The following UGT1A9 variants were observed in gnomAD, a reference collection of about 807,000 sequenced individuals.
UGT1A9 encodes the protein UDP-glucuronosyltransferase 1A9.
A neutral mutation model predicts 45.0 loss-of-function variants in UGT1A9; 35 were observed. The observed-to-expected ratio is 0.78, with a 90% CI of 0.59 to 1.03. The LOEUF (loss-of-function observed/expected upper bound fraction) is 1.03, where lower values mean the gene tolerates loss of function less well. Ranked by LOEUF, UGT1A9 falls within the 50% of genes least tolerant of loss-of-function variation. The pLI is 0.00. For missense variants in UGT1A9, 687 were observed against 666.6 expected (o/e 1.03, Z -0.34); for synonymous variants, 278 against 250.6 (o/e 1.11, Z -1.03).
In UGT1A9 at chr2:233,719,438, A is replaced by C. The variant is rs755711754; in HGVS notation, c.855+46649A>C. 1.9e-6 allele frequency: 3 copies of C among 1,613,802 alleles called. No homozygotes were observed. In the African/African-American group the frequency reaches 4.0e-5, roughly 22 times the overall value. ...TAACGACCAATTCAGACCACATGAC[A>C]TTCCTGCAAAGGGTCAAGAACATGC... On this transcript the variant is annotated intron_variant, in intron 1 of 4. Transcript: ENST00000354728.
rs540500479 is a variant in UGT1A9 at position 233,771,122 on chromosome 2, G to A, written c.1296-1140G>A. On this transcript the variant is annotated intron_variant, in intron 4 of 4. Coordinates refer to ENST00000354728, the MANE Select transcript of UGT1A9 (RefSeq NM_021027.3). ...GACAGCACTAAAGCACAAGGGATCCGACCCCATGATCCAAACACCTCCCAC... is the reference window on the plus strand; with the variant it reads ...GACAGCACTAAAGCACAAGGGATCCAACCCCATGATCCAAACACCTCCCAC... 7.1e-4 allele frequency: 108 copies of A among 152,186 alleles called. 1 individual carries two copies. The highest frequency in any genetic ancestry group is 2.5e-3 in the African/African-American group (104 of 41,518). 9.4% of individuals were successfully genotyped at this position (152,186 alleles called of 1,614,324 possible). A position where few individuals can be genotyped will look rare whatever the true frequency, so the allele number is the denominator to read the frequency against.
chr2:233,731,217 A>G (rs1429069865), intron 1 of UGT1A9, among the ~76,000 whole-genome samples: 2 of 151,714 alleles, frequency 1.3e-5, no homozygotes, highest in Non-Finnish European at 2.9e-5. Flanking sequence ...GTTTATTTAG[A>G]TTTGTAAAAA....
chr2:233,712,319 C>T (rs1479804817), intron 1 of UGT1A9, among the ~76,000 whole-genome samples: 1 of 149,708 alleles, frequency 6.7e-6, no homozygotes, highest in Non-Finnish European at 1.5e-5. Context: ...CTCAACAAAG[C>T]CTTTCCAAGA....
rs575340312 is a variant in UGT1A9, at chr2:233,701,661, A to G, written c.855+28872A>G. ...CAAACTGTCTCTCAGACCACAGTGC[A>G]ATCAAACTAGAACTCAGAATTAAGA... On this transcript the variant is annotated intron_variant, in intron 1 of 4. Transcript: ENST00000354728. Among the ~76,000 whole-genome samples, 9 of 152,370 alleles carry G rather than the reference A, an allele frequency of 5.9e-5. No homozygotes were observed. The East Asian group carries it at 1.3e-3, about 23-fold the overall frequency.
At chr2:233,695,048 C>T (rs1442838675) in intron 1 of UGT1A9, among the ~76,000 whole-genome samples, 2 of 152,134 alleles carry the variant, frequency 1.3e-5, no homozygotes, top group African/African-American at 2.4e-5. Context: ...TAACCATAGT[C>T]ACCCTACTGT....
intron 1 of UGT1A9, among the ~76,000 whole-genome samples, chr2:233,696,935 T>C (rs2075366322): frequency 6.6e-6 from 1 of 152,194 alleles, no homozygotes; most frequent in Non-Finnish European, 1.5e-5. Context: ...AATAAATGCA[T>C]CAGGATTAAT....
At chr2:233,720,428 A>G (rs1040145834) in intron 1 of UGT1A9, among the ~76,000 whole-genome samples, 1 of 152,036 alleles carries the variant, frequency 6.6e-6, no homozygotes, top group African/African-American at 2.4e-5. Flanking sequence ...AGGAGATAAG[A>G]CCGTGAATCT....
chr2:233,682,970 T>C (rs1387016286), intron 1 of UGT1A9, among the ~76,000 whole-genome samples: 5 of 152,214 alleles, frequency 3.3e-5, no homozygotes, highest in Non-Finnish European at 7.3e-5. Flanking sequence ...AAAGCAGCTC[T>C]TGTTGATATG....
chr2:233,720,877 T>C (rs1220969089), intron 1 of UGT1A9, among the ~76,000 whole-genome samples: 1 of 150,532 alleles, frequency 6.6e-6, no homozygotes, highest in Non-Finnish European at 1.5e-5. Context: ...GGCAATTTTT[T>C]TTTTTTTTTT....
chr2:233,767,309 T>A, intron 2 of UGT1A9, 144 bp downstream of exon 2: 2 of 1,517,866 alleles, frequency 1.3e-6, no homozygotes, highest in Non-Finnish European at 8.7e-7. Context: ...CCAAAGGTTT[T>A]TTTTGTTGTT....
chr2:233,754,775 G>T (rs1381490042), intron 1 of UGT1A9: 9 of 1,081,770 alleles, frequency 8.3e-6, no homozygotes, highest in Non-Finnish European at 1.1e-5. Context: ...TTCCCAGGGA[G>T]CCAAAGGAAC....
chr2:233,767,696 G>A (rs1360592219), intron 2 of UGT1A9, among the ~76,000 whole-genome samples, 153 bp from the exon 3 acceptor site: 3 of 152,166 alleles, frequency 2.0e-5, no homozygotes, highest in African/African-American at 7.2e-5. Flanking sequence ...GCCGGAAGTT[G>A]CCAGTCCTCA....
chr2:233,688,139 G>T (rs1441880155), intron 1 of UGT1A9, among the ~76,000 whole-genome samples: 2 of 152,074 alleles, frequency 1.3e-5, no homozygotes, highest in Non-Finnish European at 2.9e-5. Flanking sequence ...CTTTCTGTCT[G>T]TATGGATTTG....
rs773213473 is a variant in UGT1A9 at position 233,743,806 on chromosome 2, C to T, written c.856-23228C>T. 2.9e-6 allele frequency: 4 copies of T among 1,367,218 alleles called. No individual in the cohort carries two copies. The South Asian group carries it at 4.5e-5, about 16-fold the overall frequency. The allele number at this position is 1,367,218 out of a possible 1,614,324, so 84.7% of individuals were successfully genotyped here. On this transcript the variant is annotated intron_variant, in intron 1 of 4. Coordinates refer to ENST00000354728, the MANE Select transcript of UGT1A9 (RefSeq NM_021027.3). ...ATCTCCTCTCCGCTTCCTCCTTGTT[C>T]TCAGGGTTTTTGTCGGGGTGCCACT...
intron 1 of UGT1A9, chr2:233,743,397 A>G (rs1186431371): frequency 1.6e-6 from 2 of 1,281,698 alleles, no homozygotes; most frequent in Non-Finnish European, 2.1e-6. Context: ...TGCAGAAGGA[A>G]GAAAGGCCCC....
intron 1 of UGT1A9, among the ~76,000 whole-genome samples, chr2:233,745,709 C>T (rs1276912783): frequency 6.8e-6 from 1 of 146,654 alleles, no homozygotes; most frequent in Non-Finnish European, 1.5e-5. Context: ...ACAAGTGATC[C>T]AGAATGGCTG....
At chr2:233,758,413 A>G (rs578024460) in intron 1 of UGT1A9, among the ~76,000 whole-genome samples, 1 of 152,136 alleles carries the variant, frequency 6.6e-6, no homozygotes, top group African/African-American at 2.4e-5. Context: ...ACTGTCTATA[A>G]TCTGCAAATG....
intron 1 of UGT1A9, chr2:233,756,150 C>G (rs1696134000): frequency 6.6e-6 from 1 of 152,108 alleles, no homozygotes; most frequent in Non-Finnish European, 1.5e-5. Flanking sequence ...CTGGGGATCC[C>G]TAGGATTTCC....
rs771159962 is a variant in UGT1A9 at position 233,772,481 on chromosome 2, ATGT to A, written c.1519_1521del (p.Cys507del). 1.2e-6 allele frequency: 2 copies of A among 1,614,126 alleles called. No homozygotes were observed. Among genetic ancestry groups the A allele is most frequent in the South Asian group, 1.1e-5 (1 of 91,090 alleles). ...TGACAGTGGCCTTCATCACCTTTAA[ATGT>A]TGTGCTTATGGCTACCGGAAATGCT... On this transcript the variant is annotated inframe_deletion, in exon 5 of 5. Transcript: ENST00000354728.
Sources: gnomAD v4.1 joint callset for allele counts (sites outside exome capture counted in the v4.1 genomes callset) on GRCh38, gnomAD v4.1.1 for gene constraint, MANE v1.5 for transcripts, NCBI Gene and HGNC (gene_info 2026-07-23, HGNC 2026-07-21) for gene names.